Variants in FRAS1 observed in about 807,000 individuals in gnomAD.
FRAS1 encodes the protein Fraser extracellular matrix complex subunit 1.
In FRAS1, 290 loss-of-function variants were observed where a neutral mutation model predicts 435.2. The observed-to-expected ratio is 0.67, with a 90% CI of 0.61 to 0.73. The LOEUF is 0.73. Ranked by LOEUF, FRAS1 falls within the 30% of genes least tolerant of loss-of-function variation. FRAS1 has a pLI of 0.00. For missense variants in FRAS1, 4,860 were observed against 5,001.5 expected (o/e 0.97, Z 0.85); for synonymous variants, 1,800 against 1,851.0 (o/e 0.97, Z 0.71).
At chr4:78,187,036 T>C (rs1400195037) in intron 2 of FRAS1, among the ~76,000 whole-genome samples, 1 of 152,222 alleles carries the variant, frequency 6.6e-6, no homozygotes, top group Non-Finnish European at 1.5e-5. Flanking sequence ...AGAATGAAAG[T>C]GTTGCCTCAT....
chr4:78,388,928 AACTT>A (rs1317758697), intron 29 of FRAS1, among the ~76,000 whole-genome samples: 1 of 152,322 alleles, frequency 6.6e-6, no homozygotes, highest in East Asian at 1.9e-4. Flanking sequence ...TCTTTGTATC[AACTT>A]ACTTTTTATT....
intron 15 of FRAS1, among the ~76,000 whole-genome samples, chr4:78,309,852 G>T (rs1728946389): frequency 6.6e-6 from 1 of 152,058 alleles, no homozygotes; most frequent in Non-Finnish European, 1.5e-5. Flanking sequence ...AGGCCAGGAG[G>T]ACTTTTTTTT....
At chr4:78,066,788 G>A (rs1026023635) in intron 2 of FRAS1, among the ~76,000 whole-genome samples, 1 of 152,182 alleles carries the variant, frequency 6.6e-6, no homozygotes, top group Non-Finnish European at 1.5e-5. Context: ...CTATTGACAT[G>A]TGTGATATTG....
intron 20 of FRAS1, among the ~76,000 whole-genome samples, chr4:78,358,201 G>T (rs866588336): frequency 1.6e-4 from 24 of 150,582 alleles, no homozygotes; most frequent in Admixed American, 4.6e-4. Flanking sequence ...TTGTTTCAAT[G>T]AAAAAAAAAC....
At chr4:78,069,752 CTA>C (rs1740238343) in intron 2 of FRAS1, among the ~76,000 whole-genome samples, 1 of 150,670 alleles carries the variant, frequency 6.6e-6, no homozygotes, top group Non-Finnish European at 1.5e-5. Flanking sequence ...TAAGCACCTA[CTA>C]TATATTTAAT....
At chr4:78,263,450 A>G (rs986154987) in intron 6 of FRAS1, among the ~76,000 whole-genome samples, 4 of 152,130 alleles carry the variant, frequency 2.6e-5, no homozygotes, top group African/African-American at 9.7e-5. Context: ...GCTCACGGGG[A>G]CTCTGCTACA....
chr4:78,150,526 T>A (rs1055266102), intron 2 of FRAS1, among the ~76,000 whole-genome samples: 4 of 152,224 alleles, frequency 2.6e-5, no homozygotes, highest in Non-Finnish European at 5.9e-5. Flanking sequence ...GAAGGGTTTC[T>A]CCTTGGCATA....
intron 70 of FRAS1, among the ~76,000 whole-genome samples, chr4:78,531,753 A>G (rs1361267425): frequency 6.6e-6 from 1 of 152,198 alleles, no homozygotes; most frequent in Non-Finnish European, 1.5e-5. Context: ...ACCAGCATGT[A>G]TCTGTGCATG....
intron 1 of FRAS1, among the ~76,000 whole-genome samples, chr4:78,058,339 G>A (rs185187075): frequency 6.6e-6 from 1 of 152,212 alleles, no homozygotes; most frequent in Admixed American, 6.5e-5. Context: ...TTTTGGGTGG[G>A]TGGGTGGCCG....
At chr4:78,205,156 C>A (rs1222839718) in intron 2 of FRAS1, among the ~76,000 whole-genome samples, 1 of 151,668 alleles carries the variant, frequency 6.6e-6, no homozygotes, top group African/African-American at 2.4e-5. Context: ...GGGTGGTTAT[C>A]CCAACCAGTT....
intron 2 of FRAS1, among the ~76,000 whole-genome samples, chr4:78,073,107 G>C (rs529791173): frequency 1.3e-5 from 2 of 152,284 alleles, no homozygotes; most frequent in Non-Finnish European, 2.9e-5. Context: ...TTAAGTGTCA[G>C]GTAGTGAGAA....
intron 2 of FRAS1, among the ~76,000 whole-genome samples, chr4:78,085,432 A>G (rs1300155719): frequency 6.6e-6 from 1 of 152,160 alleles, no homozygotes; most frequent in African/African-American, 2.4e-5. Flanking sequence ...AGTCAAAACC[A>G]CCAACTTAGA....
chr4:78,440,655 C>T (rs1312475950), intron 40 of FRAS1, among the ~76,000 whole-genome samples: 2 of 152,184 alleles, frequency 1.3e-5, no homozygotes, highest in African/African-American at 4.8e-5. Context: ...TAAGCACTAG[C>T]TTTCAGATAT....
intron 20 of FRAS1, among the ~76,000 whole-genome samples, chr4:78,344,195 G>A (rs1303742365): frequency 6.6e-6 from 1 of 151,772 alleles, no homozygotes; most frequent in Non-Finnish European, 1.5e-5. Context: ...CCTAGCACTT[G>A]GGCTTTGATC....
At chr4:78,264,886 A>C (rs1726274081) in intron 6 of FRAS1, 139 bp from the exon 7 acceptor site, 1 of 701,856 alleles carries the variant, frequency 1.4e-6, no homozygotes, top group Admixed American at 2.0e-5. Context: ...CCAGGTGACT[A>C]AGAAATGTTA....
At chr4:78,138,895 A>G (rs1720038205) in intron 2 of FRAS1, among the ~76,000 whole-genome samples, 1 of 152,218 alleles carries the variant, frequency 6.6e-6, no homozygotes, top group Admixed American at 6.5e-5. Flanking sequence ...AAATTAGTGA[A>G]CATTTATTGA....
intron 2 of FRAS1, among the ~76,000 whole-genome samples, chr4:78,103,082 T>C (rs1000779582): frequency 1.1e-4 from 17 of 152,176 alleles, no homozygotes; most frequent in Non-Finnish European, 2.2e-4. Context: ...AGTAAGAGCA[T>C]CTTGGCCTCT....
chr4:78,520,761 C>G (rs1721362135), intron 67 of FRAS1, among the ~76,000 whole-genome samples: 1 of 152,136 alleles, frequency 6.6e-6, no homozygotes, highest in South Asian at 2.1e-4. Flanking sequence ...TCCACAGATG[C>G]AGAATCCATG....
intron 71 of FRAS1, 114 bp from the exon 72 acceptor site, chr4:78,536,881 A>C (rs1721899767): frequency 4.2e-6 from 3 of 716,478 alleles, no homozygotes; most frequent in Admixed American, 2.7e-5. Context: ...GGAGCTCTTC[A>C]TAGAAAAGTG....
Sources: gnomAD v4.1 joint callset for allele counts (sites outside exome capture counted in the v4.1 genomes callset) on GRCh38, gnomAD v4.1.1 for gene constraint, MANE v1.5 for transcripts, NCBI Gene and HGNC (gene_info 2026-07-23, HGNC 2026-07-21) for gene names.